DOCK11: variants seen among roughly 807,000 people sequenced by gnomAD.
The protein encoded by DOCK11 is dedicator of cytokinesis protein 11.
DOCK11 carries 70 observed loss-of-function variants against 169.1 expected under a neutral mutation model. The ratio of observed to expected loss-of-function variants is 0.41; its 90% CI spans 0.34 to 0.51. The LOEUF is 0.51. Among genes scored for constraint, DOCK11 ranks in the 20% least tolerant of loss-of-function variants. The pLI, the probability that DOCK11 is intolerant of heterozygous loss-of-function variation, is 0.10. For synonymous variants in DOCK11, 529 were observed against 541.3 expected, an observed-to-expected ratio of 0.98 and a Z score of 0.32; for missense variants, 1,166 against 1,538.8, an observed-to-expected ratio of 0.76 and a Z score of 4.05.
At chrX:118,555,984 T>C (rs987421022) in intron 6 of DOCK11, among the ~76,000 whole-genome samples, 6 of 111,178 alleles carry the variant, frequency 5.4e-5, no homozygotes, top group African/African-American at 2.0e-4. Context: ...TAACACACAA[T>C]AGGTAAACGC....
rs760109398 is a variant in DOCK11 at position 118,542,926 on chromosome X, A to G, written c.220A>G (p.Ile74Val). 3.3e-5 allele frequency: 40 copies of G among 1,210,262 alleles called. No individual in the cohort carries two copies. The highest frequency in any genetic ancestry group is 4.5e-5 in the Non-Finnish European group (40 of 894,613). ...LLMFPMEDIS[I>V]SVIGRQRRTV... ...AGCAAAAATGTTCTTTGTGTTCTAGATCTCGGTGATAGGTCGTCAACGCAG... is the reference window on the plus strand; with the variant it reads ...AGCAAAAATGTTCTTTGTGTTCTAGGTCTCGGTGATAGGTCGTCAACGCAG... The change falls in exon 3 of 53, where the codon ATC becomes GTC. Residue 74 changes from isoleucine to valine, a missense_variant and splice_region_variant. Physicochemically the swap from Ile to Val is conservative, Grantham distance 29. Coordinates refer to ENST00000276202, the MANE Select transcript of DOCK11 (RefSeq NM_144658.4).
chrX:118,509,895 C>T (rs1365501760), intron 1 of DOCK11, among the ~76,000 whole-genome samples: 2 of 111,866 alleles, frequency 1.8e-5, no homozygotes, highest in Non-Finnish European at 3.8e-5. Flanking sequence ...CTTCCTCCCT[C>T]CTCAAACCAG....
At chrX:118,608,002 C>A (rs750706614) in intron 24 of DOCK11, 70 bp from the exon 25 acceptor site, 2 of 940,040 alleles carry the variant, frequency 2.1e-6, no homozygotes, top group Middle Eastern at 3.5e-4. Context: ...CTAGACATGA[C>A]GATCTTAAGA....
At chrX:118,588,547 T>C in intron 18 of DOCK11, 69 bp downstream of exon 18, 1 of 846,205 alleles carries the variant, frequency 1.2e-6, no homozygotes, top group Non-Finnish European at 1.6e-6. Context: ...AGTAGTCTTA[T>C]GCTCTAGGTT....
At chrX:118,524,954 G>A (rs2011341254) in intron 1 of DOCK11, among the ~76,000 whole-genome samples, 1 of 110,818 alleles carries the variant, frequency 9.0e-6, no homozygotes, top group African/African-American at 3.3e-5. Context: ...GACAAGCCTG[G>A]CCAACATGGT....
intron 1 of DOCK11, among the ~76,000 whole-genome samples, chrX:118,502,793 AAAAC>A (rs1441652149): frequency 9.2e-6 from 1 of 108,195 alleles, no homozygotes; most frequent in Non-Finnish European, 1.9e-5. Flanking sequence ...AACAAACAAA[AAAAC>A]AGTATTCCAG....
chrX:118,636,441 C>T, intron 36 of DOCK11, 29 bp downstream of exon 36: 1 of 832,141 alleles, frequency 1.2e-6, no homozygotes, highest in Non-Finnish European at 1.7e-6. Flanking sequence ...TCTTCATATA[C>T]TTTCCCCTTA....
chrX:118,531,412 CAAAAAAAAAAAAAAAAAAAAAAA>C (rs60932296), intron 1 of DOCK11, among the ~76,000 whole-genome samples: 9 of 29,205 alleles, frequency 3.1e-4, no homozygotes, highest in Middle Eastern at 0.027. Flanking sequence ...GCCATATACT[CAAAAAAAAAAAAAAAAAAAAAAA>C]AAAAAAAAAA....
chrX:118,685,453 T>A, intron 52 of DOCK11: 1 of 312,413 alleles, frequency 3.2e-6, no homozygotes, highest in East Asian at 5.5e-5. Context: ...CATTTTACAG[T>A]CTTTGTTTTT....
chrX:118,557,689 A>G (rs1396198862), intron 6 of DOCK11, among the ~76,000 whole-genome samples: 3 of 93,951 alleles, frequency 3.2e-5, no homozygotes, highest in South Asian at 6.5e-4. Flanking sequence ...GCGTGAACCC[A>G]GGAGGTGGAG....
At chrX:118,628,530 A>G (rs906008765) in intron 34 of DOCK11, among the ~76,000 whole-genome samples, 1 of 112,490 alleles carries the variant, frequency 8.9e-6, no homozygotes, top group Admixed American at 9.5e-5. Flanking sequence ...CTAGCACGCT[A>G]TTTTAGTGAG....
chrX:118,572,489 C>T lies in DOCK11; in HGVS notation c.1176+26C>T, dbSNP rs191665381. ...GTATGTATGACTTTGCCTTCTACCC[C>T]CCTTGCATCAGTGCATTAAAGAAAT... On this transcript the variant is annotated intron_variant, in intron 11 of 52. Coordinates refer to ENST00000276202, the MANE Select transcript of DOCK11 (RefSeq NM_144658.4). 433 of 1,161,592 alleles carry T rather than the reference C, an allele frequency of 3.7e-4. 2 individuals carry two copies. In the Middle Eastern group the frequency reaches 5.5e-3, roughly 15 times the overall value.
At chrX:118,669,577 G>A (rs2016419408) in intron 45 of DOCK11, among the ~76,000 whole-genome samples, 1 of 111,171 alleles carries the variant, frequency 9.0e-6, no homozygotes, top group Non-Finnish European at 1.9e-5. Flanking sequence ...ATTCATGAGG[G>A]CTCTGCCCTC....
intron 51 of DOCK11, among the ~76,000 whole-genome samples, chrX:118,682,210 T>C (rs2016762007): frequency 9.1e-6 from 1 of 110,281 alleles, no homozygotes; most frequent in African/African-American, 3.3e-5. Context: ...CTACTTGGAC[T>C]CTGCCAAACT....
At chrX:118,525,413 A>G (rs1336681703) in intron 1 of DOCK11, among the ~76,000 whole-genome samples, 1 of 111,898 alleles carries the variant, frequency 8.9e-6, no homozygotes, top group Admixed American at 9.6e-5. Flanking sequence ...TAAGTGAAAG[A>G]AGCCAGTCAC....
intron 47 of DOCK11, 81 bp downstream of exon 47, chrX:118,676,130 C>T: frequency 1.6e-6 from 1 of 639,572 alleles, no homozygotes; most frequent in Non-Finnish European, 2.4e-6. Context: ...AGCTAGGAGT[C>T]TATCCAGATA....
In DOCK11 at chrX:118,681,797, A is replaced by G. The variant is rs377239155; in HGVS notation, c.5963+3A>G. The stretch of plus-strand genomic sequence containing the variant: ...AGTGAGTTGAAAGACATGTTTAGGT[A>G]AGTGTTTTATAGTTTTCAGGTTAGA... On this transcript the variant is annotated splice_donor_region_variant and intron_variant, in intron 51 of 52. Transcript: ENST00000276202. The G allele has an allele frequency of 2.2e-5, 26 of 1,181,718 alleles. No homozygotes were observed. The African/African-American group carries it at 3.6e-4, about 16-fold the overall frequency.
At chrX:118,563,311 T>TTG (rs1399356196) in intron 7 of DOCK11, among the ~76,000 whole-genome samples, 1 of 111,183 alleles carries the variant, frequency 9.0e-6, no homozygotes, top group Non-Finnish European at 1.9e-5. Flanking sequence ...GGGCATGATG[T>TTG]TGTGTGCCTG....
At chrX:118,608,504 T>G (rs984583680) in intron 26 of DOCK11, 148 bp downstream of exon 26, 1 of 706,373 alleles carries the variant, frequency 1.4e-6, no homozygotes, top group Non-Finnish European at 2.0e-6. Flanking sequence ...TTCCTGAAGT[T>G]CTCCACAGAA....
Sources: allele counts gnomAD v4.1 joint callset (sites outside exome capture counted in the v4.1 genomes callset), GRCh38; gene constraint gnomAD v4.1.1; transcripts MANE v1.5; gene names NCBI Gene and HGNC (gene_info 2026-07-23, HGNC 2026-07-21).